Variants in ATXN10 observed in about 807,000 individuals in gnomAD.
ATXN10 encodes the protein ataxin 10.
ATXN10 carries 28 observed loss-of-function variants against 52.9 expected under a neutral mutation model. The observed-to-expected ratio is 0.53, with a 90% CI of 0.39 to 0.73. The LOEUF (loss-of-function observed/expected upper bound fraction) is 0.73. Ranked by LOEUF, ATXN10 falls within the 30% of genes least tolerant of loss-of-function variation. The pLI, the probability that ATXN10 is intolerant of heterozygous loss-of-function variation, is 0.00. For synonymous variants in ATXN10, 226 were observed against 221.5 expected, an observed-to-expected ratio of 1.02 and a Z score of -0.18; for missense variants, 565 against 577.0, an observed-to-expected ratio of 0.98 and a Z score of 0.21.
In ATXN10 at chr22:45,842,467, C is replaced by T. The variant is rs1266646787; in HGVS notation, c.1238-524C>T. On this transcript the variant is annotated intron_variant, in intron 10 of 11. Coordinates refer to ENST00000252934, the MANE Select transcript of ATXN10 (RefSeq NM_013236.4). This position sits in a 1 kb window ranked among gnomAD's most constrained non-coding sequence, Gnocchi z 4.8. ...AGAATACTGAATGCGGGAAATTCCA[C>T]AGTGACTCCTAGGAAACAATTCTTA... Among the ~76,000 whole-genome samples the T allele has an allele frequency of 1.3e-5, 2 of 152,170 alleles. No homozygotes were observed. The highest frequency in any genetic ancestry group is 1.3e-4 in the Admixed American group (2 of 15,288).
intron 9 of ATXN10, among the ~76,000 whole-genome samples, chr22:45,771,510 G>A (rs561153752): frequency 6.2e-4 from 91 of 147,690 alleles, no homozygotes; most frequent in Non-Finnish European, 1.1e-3. Context: ...TCTGCCTCCC[G>A]GGTTGAAGTG....
intron 9 of ATXN10, among the ~76,000 whole-genome samples, chr22:45,803,993 A>G (rs918691299): frequency 6.6e-6 from 1 of 152,010 alleles, no homozygotes; most frequent in African/African-American, 2.4e-5. Context: ...CTTTCCCTCA[A>G]ACCATCCTGG....
Position 45,828,485 on chromosome 22 carries a change from A to C in ATXN10, c.1238-14506A>C, listed in dbSNP as rs192245690. On this transcript the variant is annotated intron_variant, in intron 10 of 11. Coordinates refer to ENST00000252934, the MANE Select transcript of ATXN10 (RefSeq NM_013236.4). This position sits in a 1 kb window ranked among gnomAD's most constrained non-coding sequence, Gnocchi z 4.5. ...ATGAAAACAGAAGTTGCTTTTTTAA[A>C]GATCAACAAAAGTTGACCAACTTTT... 3.9e-4 allele frequency among the ~76,000 whole-genome samples: 60 copies of C among 152,294 alleles called. 1 individual carries two copies. The highest frequency in any genetic ancestry group is 4.6e-4 in the Admixed American group (7 of 15,302).
chr22:45,748,957 C>T (rs1381751886), intron 9 of ATXN10, among the ~76,000 whole-genome samples: 4 of 152,152 alleles, frequency 2.6e-5, no homozygotes, highest in Admixed American at 2.6e-4. Context: ...CCATTTGACT[C>T]CAAAAACCCC....
chr22:45,797,607 G>A (rs1028727199), intron 9 of ATXN10, among the ~76,000 whole-genome samples: 1 of 152,200 alleles, frequency 6.6e-6, no homozygotes, highest in Non-Finnish European at 1.5e-5. Flanking sequence ...TTTAAGATCA[G>A]TCATCTTAGT....
intron 1 of ATXN10, chr22:45,680,214 T>C (rs1922863460): frequency 1.3e-5 from 2 of 152,220 alleles, no homozygotes; most frequent in African/African-American, 4.8e-5. Flanking sequence ...GTGTACTGCT[T>C]AGAACAGTGT....
intron 6 of ATXN10, among the ~76,000 whole-genome samples, chr22:45,726,747 G>A (rs1226233714): frequency 1.3e-5 from 2 of 152,126 alleles, no homozygotes; most frequent in Middle Eastern, 3.2e-3. Flanking sequence ...GTGTGCAGTG[G>A]CACGATCACT....
rs184803576 is a variant in ATXN10 at position 45,824,267 on chromosome 22, C to T, written c.1237+17245C>T. ...GGAGTTCTCCCCTTTCTACATTTGG[C>T]CAACTCCTACTCACCTTTGAGTTTG... is the stretch of plus-strand genomic sequence containing the variant. On this transcript the variant is annotated intron_variant, in intron 10 of 11. Coordinates refer to ENST00000252934, the MANE Select transcript of ATXN10 (RefSeq NM_013236.4). This position sits in a 1 kb window ranked among gnomAD's most constrained non-coding sequence, Gnocchi z 5.2. 2.0e-5 allele frequency among the ~76,000 whole-genome samples: 3 copies of T among 152,118 alleles called. No individual in the cohort carries two copies. Among genetic ancestry groups the T allele is most frequent in the Non-Finnish European group, 2.9e-5 (2 of 68,016 alleles).
At chr22:45,813,587 C>T (rs970551450) in intron 10 of ATXN10, among the ~76,000 whole-genome samples, 6 of 151,822 alleles carry the variant, frequency 4.0e-5, no homozygotes, top group African/African-American at 1.5e-4. Context: ...GGAAGAATGG[C>T]ACAGTGGCAA....
At position 45,759,122 on chromosome 22, in the gene ATXN10, GC is replaced by G. The variant is rs1470435666; in HGVS notation, c.1173+18586del. On this transcript the variant is annotated intron_variant, in intron 9 of 11. Coordinates refer to ENST00000252934, the MANE Select transcript of ATXN10 (RefSeq NM_013236.4). This position sits in a 1 kb window ranked among gnomAD's most constrained non-coding sequence, Gnocchi z 5.4. ...AATATTGATTAAGAGCACACTGTGT[GC>G]CAAGCATTATGCGAGGTGCTGGAGA... Among the ~76,000 whole-genome samples the G allele has an allele frequency of 1.3e-5, 2 of 152,206 alleles. No individual in the cohort carries two copies. Among genetic ancestry groups the G allele is most frequent in the African/African-American group, 4.8e-5 (2 of 41,448 alleles).
rs57817336 is a variant in ATXN10, at chr22:45,710,032, C to T, written c.647+7185C>T. On this transcript the variant is annotated intron_variant, in intron 5 of 11. Coordinates refer to ENST00000252934, the MANE Select transcript of ATXN10 (RefSeq NM_013236.4). ...TTGCTACTGCCAGAACTTTCTTACT[C>T]ATCTTTCTGTCTCTCCTTTTGCCCT... Among the ~76,000 whole-genome samples, 1,283 of 152,332 alleles carry T rather than the reference C, an allele frequency of 8.4e-3. 11 individuals are homozygous for T. Among genetic ancestry groups the T allele is most frequent in the African/African-American group, 0.029 (1,200 of 41,580 alleles).
At chr22:45,692,788 A>G (rs1002894657) in intron 2 of ATXN10, among the ~76,000 whole-genome samples, 1 of 152,200 alleles carries the variant, frequency 6.6e-6, no homozygotes. Context: ...ACTCAAAGAA[A>G]GCTGTTGGAA....
rs369094035 is a variant in ATXN10 at position 45,767,349 on chromosome 22, C to T, written c.1173+26811C>T. Among the ~76,000 whole-genome samples, 11 of 151,734 alleles carry T rather than the reference C, an allele frequency of 7.2e-5. No individual in the cohort carries two copies. The South Asian group carries it at 1.9e-3, about 26-fold the overall frequency. Reference sequence around the variant, plus strand: ...AATCGCAAAACATTTTTATAGTATACTATATCTTTTATGTAATACAGAGGG... The same window carrying T: ...AATCGCAAAACATTTTTATAGTATATTATATCTTTTATGTAATACAGAGGG... On this transcript the variant is annotated intron_variant, in intron 9 of 11. Transcript: ENST00000252934.
chr22:45,701,978 C>T lies in ATXN10; in HGVS notation c.489-711C>T, dbSNP rs921050917. ...AAACATATTAAGAGAGGTTCTTTGC[C>T]TTCACTTTTTATGCATTTATGGGAC... On this transcript the variant is annotated intron_variant, in intron 4 of 11. Transcript: ENST00000252934. This position sits in a 1 kb window ranked among gnomAD's most constrained non-coding sequence, Gnocchi z 4.2. Among the ~76,000 whole-genome samples, 4 of 152,122 alleles carry T rather than the reference C, an allele frequency of 2.6e-5. No individual in the cohort carries two copies. Among genetic ancestry groups the T allele is most frequent in the African/African-American group, 7.2e-5 (3 of 41,508 alleles).
chr22:45,815,357 G>C (rs1928424517), intron 10 of ATXN10, among the ~76,000 whole-genome samples: 1 of 152,132 alleles, frequency 6.6e-6, no homozygotes, highest in Admixed American at 6.5e-5. Flanking sequence ...CAGGGGAGGA[G>C]GATGCTGGAC....
chr22:45,784,504 C>T lies in ATXN10; in HGVS notation c.1174-22455C>T, dbSNP rs955494006. Among the ~76,000 whole-genome samples, 3 of 152,188 alleles carry T rather than the reference C, an allele frequency of 2.0e-5. No individual in the cohort carries two copies. Among genetic ancestry groups the T allele is most frequent in the Non-Finnish European group, 2.9e-5 (2 of 68,048 alleles). On this transcript the variant is annotated intron_variant, in intron 9 of 11. Transcript: ENST00000252934. The surrounding 1 kb of genome is among the most constrained non-coding windows in gnomAD (Gnocchi z 4.2). Reference sequence around the variant, plus strand: ...TCTGCACCCCGAGTGTCACATTGCACAGTCTGCCTCAGGTAACAGTGGGGC... The same window carrying T: ...TCTGCACCCCGAGTGTCACATTGCATAGTCTGCCTCAGGTAACAGTGGGGC...
Position 45,802,466 on chromosome 22 carries a change from A to G in ATXN10, c.1174-4493A>G, listed in dbSNP as rs569710628. 9.2e-5 allele frequency among the ~76,000 whole-genome samples: 14 copies of G among 152,354 alleles called. No individual in the cohort carries two copies. In the South Asian group the frequency reaches 2.9e-3, roughly 32 times the overall value. Reference sequence around the variant, plus strand: ...CAGTCACCCTTCCTGAAGGTGCTGTATTGGTGTCTGCTTTTCCCAGTGACC... The same window carrying G: ...CAGTCACCCTTCCTGAAGGTGCTGTGTTGGTGTCTGCTTTTCCCAGTGACC... On this transcript the variant is annotated intron_variant, in intron 9 of 11. Transcript: ENST00000252934.
chr22:45,751,756 A>T (rs1461330793), intron 9 of ATXN10, among the ~76,000 whole-genome samples: 955 of 54,334 alleles, frequency 0.018, 6 homozygotes, highest in Middle Eastern at 0.042. Context: ...AAAAAAAAAT[A>T]AAAAAAAAAT....
Position 45,708,153 on chromosome 22 carries a change from T to G in ATXN10, c.647+5306T>G, listed in dbSNP as rs1199343216. 2.0e-5 allele frequency among the ~76,000 whole-genome samples: 3 copies of G among 152,224 alleles called. No individual in the cohort carries two copies. Among genetic ancestry groups the G allele is most frequent in the African/African-American group, 7.2e-5 (3 of 41,466 alleles). On this transcript the variant is annotated intron_variant, in intron 5 of 11. Transcript: ENST00000252934. This position sits in a 1 kb window ranked among gnomAD's most constrained non-coding sequence, Gnocchi z 5.3. ...TGGTTTGAATTATTGGGATAATGTC[T>G]TTCTAAAAATGTCTGTTCTTTTGTT...
Sources: allele counts gnomAD v4.1 joint callset (sites outside exome capture counted in the v4.1 genomes callset), GRCh38; gene constraint gnomAD v4.1.1; non-coding constraint Gnocchi (gnomAD v3.1); transcripts MANE v1.5; gene names NCBI Gene and HGNC (gene_info 2026-07-23, HGNC 2026-07-21).